Variants in MPP4 observed in about 807,000 individuals in gnomAD.
The protein encoded by MPP4 is MAGUK p55 subfamily member 4.
MPP4 carries 91 observed loss-of-function variants against 98.3 expected under a neutral mutation model. The observed-to-expected ratio is 0.93, with a 90% confidence interval of 0.78 to 1.10. The LOEUF (loss-of-function observed/expected upper bound fraction) is 1.10. MPP4 is among the 50% of genes least tolerant of loss of function. The pLI is 0.00. For missense variants in MPP4, 744 were observed against 792.9 expected (o/e 0.94, Z 0.74); for synonymous variants, 261 against 271.8 (o/e 0.96, Z 0.39).
chr2:201,681,085 C>T (rs1688652881), intron 9 of MPP4, 51 bp from the exon 10 acceptor site: 4 of 1,563,830 alleles, frequency 2.6e-6, no homozygotes, highest in Middle Eastern at 2.1e-4. Flanking sequence ...ATGGTGCCAT[C>T]CGAAGAACCC....
At position 201,649,390 on chromosome 2, in the gene MPP4, TC is replaced by T. The variant is rs1327546992; in HGVS notation, c.1584+185del. Among the ~76,000 whole-genome samples the T allele has an allele frequency of 3.3e-5, 5 of 152,354 alleles. No individual in the cohort carries two copies. In the East Asian group the frequency reaches 7.7e-4, roughly 23 times the overall value. ...GCTTTTCTGTCTGAGAAGCAAGACT[TC>T]TTTCCCAACTAAAAGTAAAATGTTG... On this transcript the variant is annotated intron_variant, in intron 20 of 21. Transcript: ENST00000409474.
At chr2:201,651,760 C>T in intron 18 of MPP4, 1 of 535,512 alleles carries the variant, frequency 1.9e-6, no homozygotes, top group Non-Finnish European at 2.4e-6. Flanking sequence ...ACAAGACCAG[C>T]CTAGCCAACA....
At position 201,657,609 on chromosome 2, in the gene MPP4, GT is replaced by G. The variant is rs745412884; in HGVS notation, c.1129+867del. Among the ~76,000 whole-genome samples, 6 of 111,690 alleles carry G rather than the reference GT, an allele frequency of 5.4e-5. 1 individual carries two copies. Among genetic ancestry groups the G allele is most frequent in the Non-Finnish European group, 9.2e-5 (5 of 54,262 alleles). The allele number at this position is 111,690 out of a possible 152,430, so 73.3% of individuals were successfully genotyped here. On this transcript the variant is annotated intron_variant, in intron 16 of 21. Coordinates refer to ENST00000409474, the MANE Select transcript of MPP4 (RefSeq NM_033066.3). ...GCCCTTGTTTTTTTTTTGTTTTTTT[GT>G]TTTTTTTTGCTTATTGTATCAATCA...
intron 12 of MPP4, among the ~76,000 whole-genome samples, chr2:201,668,079 G>A (rs188993674): frequency 2.3e-3 from 344 of 152,168 alleles, no homozygotes; most frequent in Middle Eastern, 6.8e-3. Context: ...TTTCTTTAGG[G>A]CAAACAAAGA....
chr2:201,689,325 A>G (rs1267050725), intron 4 of MPP4, among the ~76,000 whole-genome samples: 4 of 152,202 alleles, frequency 2.6e-5, no homozygotes, highest in Admixed American at 2.6e-4. Context: ...ACTCTGTATC[A>G]AAAACAAAAA....
chr2:201,672,534 C>A (rs1688373771), intron 11 of MPP4, among the ~76,000 whole-genome samples: 1 of 152,034 alleles, frequency 6.6e-6, no homozygotes, highest in African/African-American at 2.4e-5. Context: ...AGAGAAGAAT[C>A]AAATAGACAC....
chr2:201,663,995 CAGTT>C, intron 14 of MPP4, 82 bp downstream of exon 14: 1 of 979,216 alleles, frequency 1.0e-6, no homozygotes, highest in Non-Finnish European at 1.4e-6. Context: ...TATATTTAAA[CAGTT>C]ATTATAAATA....
At chr2:201,663,266 G>T (rs1193076117) in intron 14 of MPP4, among the ~76,000 whole-genome samples, 2 of 152,138 alleles carry the variant, frequency 1.3e-5, no homozygotes, top group Non-Finnish European at 2.9e-5. Context: ...AAGATACGTG[G>T]GTCAAGAGAC....
intron 20 of MPP4, 52 bp from the exon 21 acceptor site, chr2:201,647,877 A>C: frequency 6.5e-7 from 1 of 1,529,856 alleles, no homozygotes; most frequent in South Asian, 1.2e-5. Context: ...TTGTTTTGAG[A>C]CATGGTCTTG....
chr2:201,652,142 TC>T, intron 18 of MPP4: 1 of 331,028 alleles, frequency 3.0e-6, no homozygotes, highest in Non-Finnish European at 4.3e-6. Context: ...GGCAAGATCT[TC>T]CCCAGCCCCT....
intron 1 of MPP4, among the ~76,000 whole-genome samples, chr2:201,694,770 G>T (rs1285929311): frequency 6.6e-6 from 1 of 151,654 alleles, no homozygotes; most frequent in Non-Finnish European, 1.5e-5. Context: ...ATAGGCATGT[G>T]CCACCACACT....
At chr2:201,694,248 CAGA>C (rs756142444) in intron 1 of MPP4, among the ~76,000 whole-genome samples, 194 bp from the exon 2 acceptor site, 4 of 152,126 alleles carry the variant, frequency 2.6e-5, no homozygotes, top group Non-Finnish European at 5.9e-5. Flanking sequence ...TTTAGCCTTT[CAGA>C]AGAATTGATT....
In MPP4 at chr2:201,656,356, C is replaced by A; in HGVS notation, c.1142G>T (p.Arg381Leu). The stretch of plus-strand genomic sequence containing the variant: ...CTTCCTGCGACAAAGGCGCATGCTG[C>A]GGCGGAAGCCAGCTAGGGAGGGGAA... ...GQKFFIAGFRRSMRLCRRKSH... is the reference protein window; with the variant it reads ...GQKFFIAGFRLSMRLCRRKSH... Residue 381 changes from arginine (R) to leucine (L), a missense_variant, in exon 17 of 22, where the codon CGC becomes CTC. Transcript: ENST00000409474. 6.4e-7 allele frequency: 1 copy of A among 1,550,836 alleles called. No individual in the cohort carries two copies. The highest frequency in any genetic ancestry group is 2.4e-5 in the East Asian group (1 of 40,928).
chr2:201,672,321 A>G (rs558646673), intron 11 of MPP4, among the ~76,000 whole-genome samples: 344 of 152,324 alleles, frequency 2.3e-3, no homozygotes, highest in Non-Finnish European at 3.7e-3. Context: ...AAACCCTAAC[A>G]TCACAATTAA....
chr2:201,664,888 T>G (rs1293522440), intron 13 of MPP4, among the ~76,000 whole-genome samples: 1 of 151,988 alleles, frequency 6.6e-6, no homozygotes, highest in African/African-American at 2.4e-5. Context: ...GTTAAAAAAA[T>G]AAAACAAGGC....
chr2:201,671,327 C>A (rs1241447339), intron 11 of MPP4, among the ~76,000 whole-genome samples: 1 of 152,178 alleles, frequency 6.6e-6, no homozygotes, highest in Non-Finnish European at 1.5e-5. Flanking sequence ...GCTTGAAATT[C>A]TCGCTGCCAG....
intron 16 of MPP4, 112 bp downstream of exon 16, chr2:201,658,365 G>A (rs979156965): frequency 1.2e-6 from 1 of 800,122 alleles, no homozygotes; most frequent in Non-Finnish European, 2.0e-6. Flanking sequence ...ACTAGAATGA[G>A]GAACAGGTCT....
At chr2:201,647,143 C>G (rs1209001268) in intron 21 of MPP4, among the ~76,000 whole-genome samples, 3 of 152,102 alleles carry the variant, frequency 2.0e-5, no homozygotes, top group Non-Finnish European at 2.9e-5. Flanking sequence ...ATCACCTGTT[C>G]TAGGATGAGA....
At chr2:201,655,311 C>A (rs1559597771) in intron 17 of MPP4, among the ~76,000 whole-genome samples, 1 of 152,190 alleles carries the variant, frequency 6.6e-6, no homozygotes, top group African/African-American at 2.4e-5. Context: ...GGTTCTGTGA[C>A]TTACAGAATT....
Sources: gnomAD v4.1 joint callset for allele counts (sites outside exome capture counted in the v4.1 genomes callset) on GRCh38, gnomAD v4.1.1 for gene constraint, MANE v1.5 for transcripts, NCBI Gene and HGNC (gene_info 2026-07-23, HGNC 2026-07-21) for gene names.